EPG5: variants seen among roughly 807,000 people sequenced by gnomAD.
The protein encoded by EPG5 is ectopic P granules protein 5 homolog.
In EPG5, 159 loss-of-function variants were observed where a neutral mutation model predicts 302.7. The ratio of observed to expected loss-of-function variants is 0.53; its 90% CI spans 0.46 to 0.60. The LOEUF is 0.60. Among genes scored for constraint, EPG5 ranks in the 20% least tolerant of loss-of-function variants. EPG5 has a pLI of 0.00. For missense variants in EPG5, 2,896 were observed against 3,092.4 expected, an observed-to-expected ratio of 0.94 and a Z score of 1.51; for synonymous variants, 1,158 against 1,136.8, an observed-to-expected ratio of 1.02 and a Z score of -0.37.
At chr18:45,920,426 T>G (rs1382467876) in intron 16 of EPG5, among the ~76,000 whole-genome samples, 2 of 152,212 alleles carry the variant, frequency 1.3e-5, no homozygotes, top group African/African-American at 2.4e-5. Context: ...GATGTTGTCT[T>G]AGTCCATGTT....
Position 45,860,239 on chromosome 18 carries a change from T to C in EPG5, c.6874A>G (p.Ile2292Val). 6.2e-7 allele frequency: 1 copy of C among 1,614,216 alleles called. No homozygotes were observed. The highest frequency in any genetic ancestry group is 1.6e-4 in the Middle Eastern group (1 of 6,062). Reference protein sequence around the residue: ...IPTAEFLRGSIRTWIGQKMHG... With the variant: ...IPTAEFLRGSVRTWIGQKMHG... ...ATTTTTTGGCCAATCCAGGTCCGGA[T>C]ACTGCCCCGAAGGAACTCTGCTGTT... is the stretch of plus-strand genomic sequence containing the variant. The change falls in exon 40 of 44, where the codon ATC (isoleucine) becomes GTC (valine). Residue 2292 changes from isoleucine (I) to valine (V), a missense_variant. Ile to Val is a conservative substitution (Grantham distance 29, BLOSUM62 3). Around this residue, in one of 5 missense-constraint regions of EPG5, gnomAD observed 620 missense variants for 704.2 expected, o/e 0.88. Coordinates refer to ENST00000282041, the MANE Select transcript of EPG5 (RefSeq NM_020964.3).
intron 24 of EPG5, 103 bp downstream of exon 24, chr18:45,907,855 C>G: frequency 8.9e-7 from 1 of 1,118,054 alleles, no homozygotes; most frequent in Non-Finnish European, 1.2e-6. Flanking sequence ...GAGTGACTAC[C>G]CATTTTCTTA....
rs1161646824 is a variant in EPG5 at position 45,847,834 on chromosome 18, T to C, written c.*4633A>G. The stretch of plus-strand genomic sequence containing the variant: ...AAAACGAGTTGAACACACTTAAGTA[T>C]GTGTCTCCACATAAGTGATTTTAAA... On this transcript the variant is annotated 3_prime_UTR_variant, in exon 44 of 44. Coordinates refer to ENST00000282041, the MANE Select transcript of EPG5 (RefSeq NM_020964.3). The C allele has an allele frequency of 6.6e-6, 1 of 152,442 alleles. No homozygotes were observed. The highest frequency in any genetic ancestry group is 1.5e-5 in the Non-Finnish European group (1 of 68,024). The allele number at this position is 152,442 out of a possible 1,614,324, so 9.4% of individuals were successfully genotyped here. A position where few individuals can be genotyped will look rare whatever the true frequency, so the allele number is the denominator to read the frequency against.
intron 1 of EPG5, among the ~76,000 whole-genome samples, chr18:45,956,264 A>C (rs1167956095): frequency 6.6e-5 from 10 of 152,166 alleles, no homozygotes; most frequent in Admixed American, 3.3e-4. Flanking sequence ...CTACAAAATA[A>C]CTGAAGGAAT....
At chr18:45,857,491 C>T (rs1400729728) in intron 42 of EPG5, among the ~76,000 whole-genome samples, 1 of 152,134 alleles carries the variant, frequency 6.6e-6, no homozygotes, top group East Asian at 1.9e-4. Flanking sequence ...TCCCTGAACG[C>T]CTCAAGTGCC....
At chr18:45,886,486 T>C (rs979225892) in intron 29 of EPG5, among the ~76,000 whole-genome samples, 1 of 152,248 alleles carries the variant, frequency 6.6e-6, no homozygotes. Flanking sequence ...TCTATATATC[T>C]CTATATATGT....
chr18:45,906,682 T>C (rs562552924), intron 24 of EPG5, among the ~76,000 whole-genome samples: 2 of 151,938 alleles, frequency 1.3e-5, no homozygotes, highest in African/African-American at 2.4e-5. Context: ...AGACAGGGTC[T>C]CTCTCTCTGT....
intron 36 of EPG5, chr18:45,868,224 G>A (rs1383178890): frequency 2.2e-6 from 1 of 453,664 alleles, no homozygotes; most frequent in Non-Finnish European, 4.4e-6. Flanking sequence ...GGTATGGGTT[G>A]GGAGCCAGAA....
At chr18:45,804,810 G>GA in the EPG5 span, among the ~76,000 whole-genome samples, 1 of 152,024 alleles carries the variant, frequency 6.6e-6, no homozygotes, top group Admixed American at 6.5e-5. Flanking sequence ...CTAGCAAATA[G>GA]AAAAAACTGC....
chr18:45,940,335 G>A (rs773546620), intron 9 of EPG5, among the ~76,000 whole-genome samples: 2 of 152,222 alleles, frequency 1.3e-5, no homozygotes, highest in African/African-American at 4.8e-5. Flanking sequence ...CTGTGAGGAC[G>A]TCGGCTTTTT....
chr18:45,815,661 C>T, the EPG5 span, among the ~76,000 whole-genome samples: 8 of 152,152 alleles, frequency 5.3e-5, no homozygotes, highest in Non-Finnish European at 1.0e-4. Context: ...CAAATGGAAA[C>T]ACATCCCATG....
Position 45,880,179 on chromosome 18 carries a change from G to GCAGCCCAGGGCTCTC in EPG5, c.5562_5563insGAGAGCCCTGGGCTG (p.Thr1854_Leu1855insGluSerProGlyLeu). On this transcript the variant is annotated inframe_insertion, in exon 32 of 44. Coordinates refer to ENST00000282041, the MANE Select transcript of EPG5 (RefSeq NM_020964.3). ...GGGGCGCAGCAGCCCAGGGCTCTCAGAGTGGCCTTCCAACACTCGGGGCTC... is the reference window on the plus strand; with the variant it reads ...GGGGCGCAGCAGCCCAGGGCTCTCAGCAGCCCAGGGCTCTCAGTGGCCTTCCAACACTCGGGGCTC... 6.2e-7 allele frequency: 1 copy of GCAGCCCAGGGCTCTC among 1,610,688 alleles called. No homozygotes were observed. The highest frequency in any genetic ancestry group is 8.5e-7 in the Non-Finnish European group (1 of 1,178,090).
the EPG5 span, among the ~76,000 whole-genome samples, chr18:45,830,676 C>A: frequency 1.1e-4 from 16 of 150,330 alleles, no homozygotes; most frequent in African/African-American, 3.9e-4. Context: ...ACCTCCGCCT[C>A]CCAGGTTCAA....
At chr18:45,830,111 C>T in the EPG5 span, among the ~76,000 whole-genome samples, 4 of 90,156 alleles carry the variant, frequency 4.4e-5, no homozygotes, top group Admixed American at 2.4e-4. Flanking sequence ...TTAACAGAAG[C>T]GTGACTACGC....
In EPG5 at chr18:45,929,154, C is replaced by G. The variant is rs536264735; in HGVS notation, c.2413-145G>C. ...TATGTTCCAAAAAATGTTAAAACTT[C>G]ATACAGGCAACTGTCTACTCTGAGG... On this transcript the variant is annotated intron_variant, in intron 12 of 43. Transcript: ENST00000282041. 45 of 817,264 alleles carry G rather than the reference C, an allele frequency of 5.5e-5. 1 individual carries two copies. In the South Asian group the frequency reaches 8.3e-4, roughly 15 times the overall value. The allele number at this position is 817,264 out of a possible 1,614,324, so 50.6% of individuals were successfully genotyped here.
In EPG5 at chr18:45,948,710, T is replaced by C. The variant is rs1009681226; in HGVS notation, c.1498-134A>G. The C allele has an allele frequency of 1.3e-5, 9 of 672,056 alleles. No individual in the cohort carries two copies. In the African/African-American group the frequency reaches 1.6e-4, roughly 12 times the overall value. The allele number at this position is 672,056 out of a possible 1,614,324, so 41.6% of individuals were successfully genotyped here. A position where few individuals can be genotyped will look rare whatever the true frequency, so the allele number is the denominator to read the frequency against. On this transcript the variant is annotated intron_variant, in intron 5 of 43. Coordinates refer to ENST00000282041, the MANE Select transcript of EPG5 (RefSeq NM_020964.3). ...GAAACTGGTACCTAATACACAAGAG[T>C]AAAGCACAGCCCATGGGTTACCTGG...
chr18:45,877,443 G>C (rs908937430), intron 34 of EPG5, among the ~76,000 whole-genome samples: 2 of 151,790 alleles, frequency 1.3e-5, no homozygotes, highest in African/African-American at 2.4e-5. Context: ...TTTATTTTCT[G>C]AATCTGGTCT....
At chr18:45,930,621 T>C (rs1274488775) in intron 12 of EPG5, 55 bp downstream of exon 12, 14 of 1,438,650 alleles carry the variant, frequency 9.7e-6, no homozygotes, top group Non-Finnish European at 1.3e-5. Context: ...AATCAACAGA[T>C]GGACAATCCA....
chr18:45,838,780 T>G, the EPG5 span: 1 of 1,569,762 alleles, frequency 6.4e-7, no homozygotes. Context: ...CCGCGCGCTC[T>G]GCACTGCCGA....
Sources: gnomAD v4.1 joint callset for allele counts (sites outside exome capture counted in the v4.1 genomes callset) on GRCh38, gnomAD v4.1.1 for gene constraint, gnomAD v4.1.1 regional missense constraint, MANE v1.5 for transcripts, NCBI Gene and HGNC (gene_info 2026-07-23, HGNC 2026-07-21) for gene names.